ARHGAP32: variants seen among roughly 807,000 people sequenced by gnomAD.
The protein encoded by ARHGAP32 is rho GTPase-activating protein 32.
Under a neutral mutation model 186.5 loss-of-function variants are expected in ARHGAP32, and 51 were observed. The observed-to-expected ratio is 0.27, with a 90% CI of 0.22 to 0.35. The LOEUF (loss-of-function observed/expected upper bound fraction) is 0.35. ARHGAP32 is among the 10% of genes least tolerant of loss of function. The probability of loss-of-function intolerance (pLI) is 1.00; values close to 1 mark genes in which losing one functional copy is unlikely to be tolerated. For missense variants in ARHGAP32, 2,186 were observed against 2,623.5 expected, an observed-to-expected ratio of 0.83 and a Z score of 3.64; for synonymous variants, 950 against 964.3, an observed-to-expected ratio of 0.99 and a Z score of 0.27.
chr11:129,013,277 T>C (rs1331201630), intron 11 of ARHGAP32, among the ~76,000 whole-genome samples: 1 of 152,202 alleles, frequency 6.6e-6, no homozygotes, highest in African/African-American at 2.4e-5. Flanking sequence ...CTACTCTGAA[T>C]GGCCACTTTG....
intron 11 of ARHGAP32, among the ~76,000 whole-genome samples, chr11:129,023,340 G>T (rs1938684492): frequency 6.6e-6 from 1 of 152,154 alleles, no homozygotes. Context: ...AAGGGAAAAG[G>T]CCAGAAAGGT....
At chr11:129,219,167 T>C (rs918255247) in intron 1 of ARHGAP32, among the ~76,000 whole-genome samples, 1 of 152,190 alleles carries the variant, frequency 6.6e-6, no homozygotes, top group Non-Finnish European at 1.5e-5. Context: ...TTTTTAGAAT[T>C]CTTCTCCCAT....
chr11:129,130,196 A>G (rs1354481732), intron 2 of ARHGAP32, among the ~76,000 whole-genome samples: 3 of 152,202 alleles, frequency 2.0e-5, no homozygotes, highest in South Asian at 2.1e-4. Flanking sequence ...GTATACGATA[A>G]AAGTTTATTT....
At chr11:129,061,527 G>A (rs1940503421) in intron 10 of ARHGAP32, among the ~76,000 whole-genome samples, 2 of 152,080 alleles carry the variant, frequency 1.3e-5, no homozygotes, top group South Asian at 2.1e-4. Context: ...AAACAATTAA[G>A]TCAAATAAGG....
chr11:129,036,319 G>T (rs1202972762), intron 11 of ARHGAP32, among the ~76,000 whole-genome samples: 1 of 138,868 alleles, frequency 7.2e-6, no homozygotes, highest in Non-Finnish European at 1.5e-5. Context: ...GGCGGAGGTT[G>T]CAGTGAGCTG....
At chr11:129,037,244 C>T (rs1939381752) in intron 11 of ARHGAP32, among the ~76,000 whole-genome samples, 1 of 152,134 alleles carries the variant, frequency 6.6e-6, no homozygotes, top group South Asian at 2.1e-4. Context: ...TGCCTATAAT[C>T]CCAGCACTTT....
chr11:129,056,789 A>G (rs1196449192), intron 10 of ARHGAP32, among the ~76,000 whole-genome samples: 3 of 152,162 alleles, frequency 2.0e-5, no homozygotes, highest in African/African-American at 7.2e-5. Context: ...GGTGTCAACA[A>G]CGAGCTTCAG....
intron 10 of ARHGAP32, among the ~76,000 whole-genome samples, chr11:129,054,046 C>T (rs1231680138): frequency 1.3e-5 from 2 of 148,872 alleles, no homozygotes; most frequent in Non-Finnish European, 3.0e-5. Context: ...TTACCTGGAG[C>T]CACATTATAC....
At chr11:128,997,088 C>T (rs1434386531) in intron 12 of ARHGAP32, among the ~76,000 whole-genome samples, 1 of 152,126 alleles carries the variant, frequency 6.6e-6, no homozygotes, top group Non-Finnish European at 1.5e-5. Context: ...GAAAACTCTG[C>T]TTTTCTAGTT....
chr11:129,010,959 A>T (rs968330372), intron 11 of ARHGAP32, among the ~76,000 whole-genome samples: 2 of 152,238 alleles, frequency 1.3e-5, no homozygotes, highest in East Asian at 3.8e-4. Flanking sequence ...AATGTTTCAA[A>T]GGAATGGAAA....
intron 11 of ARHGAP32, chr11:129,024,317 G>T: frequency 4.6e-6 from 1 of 216,024 alleles, no homozygotes; most frequent in Non-Finnish European, 7.9e-6. Context: ...GTATGAAATT[G>T]ATATTAAATT....
At chr11:129,110,682 T>A (rs556605991) in intron 5 of ARHGAP32, among the ~76,000 whole-genome samples, 1 of 152,198 alleles carries the variant, frequency 6.6e-6, no homozygotes, top group African/African-American at 2.4e-5. Context: ...TCCTAGGTTT[T>A]TTGTTTAGTT....
At chr11:129,104,277 A>C (rs1941987123) in intron 5 of ARHGAP32, among the ~76,000 whole-genome samples, 1 of 152,116 alleles carries the variant, frequency 6.6e-6, no homozygotes, top group Admixed American at 6.5e-5. Context: ...TTATAAATCG[A>C]AACAAATTTA....
At chr11:129,221,398 G>A (rs539609822) in intron 1 of ARHGAP32, among the ~76,000 whole-genome samples, 1 of 151,650 alleles carries the variant, frequency 6.6e-6, no homozygotes, top group Non-Finnish European at 1.5e-5. Flanking sequence ...CTAAAGGAAG[G>A]GGTGGGCTGA....
At chr11:128,988,346 A>G (rs942943822) in intron 12 of ARHGAP32, among the ~76,000 whole-genome samples, 2 of 152,218 alleles carry the variant, frequency 1.3e-5, no homozygotes, top group African/African-American at 4.8e-5. Context: ...GACTGGTTCT[A>G]TGTCATGATA....
chr11:128,990,279 T>C lies in ARHGAP32; in HGVS notation c.1196-2154A>G, dbSNP rs974782669. On this transcript the variant is annotated intron_variant, in intron 12 of 22. Coordinates refer to ENST00000682385, the MANE Select transcript of ARHGAP32 (RefSeq NM_001378024.1). ...TGTGTTCTATGTGCTCATAGAAAAATATTTCAAAATTATCATTTATTTGTT... is the reference window on the plus strand; with the variant it reads ...TGTGTTCTATGTGCTCATAGAAAAACATTTCAAAATTATCATTTATTTGTT... Among the ~76,000 whole-genome samples the C allele has an allele frequency of 9.9e-5, 15 of 152,238 alleles. 1 individual carries two copies. Among genetic ancestry groups the C allele is most frequent in the Admixed American group, 7.9e-4 (12 of 15,282 alleles).
In ARHGAP32 at chr11:128,970,170, C is replaced by T; in HGVS notation, c.5043G>A (p.Leu1681=). ...CTGTGCCATAGGCATCCACATCACACAGGGCCCCATCTGGACTGTAATAGG... is the reference window on the plus strand; with the variant it reads ...CTGTGCCATAGGCATCCACATCACATAGGGCCCCATCTGGACTGTAATAGG... The part of the protein sequence containing the change: ...SSSYYSPDGA[L]CDVDAYGTVQ... The change falls in exon 23 of 23, where the codon CTG becomes CTA. Residue 1681 remains leucine, a synonymous_variant. Transcript: ENST00000682385. This position sits in a 1 kb window ranked among gnomAD's most constrained non-coding sequence, Gnocchi z 5.8. The T allele has an allele frequency of 6.2e-7, 1 of 1,614,180 alleles. No individual in the cohort carries two copies. The highest frequency in any genetic ancestry group is 8.5e-7 in the Non-Finnish European group (1 of 1,180,032).
At chr11:129,005,839 CT>C (rs1187306128) in intron 11 of ARHGAP32, among the ~76,000 whole-genome samples, 4 of 152,112 alleles carry the variant, frequency 2.6e-5, no homozygotes, top group Non-Finnish European at 4.4e-5. Context: ...CTTTCTACCC[CT>C]ATCTCTTTCT....
At chr11:129,229,854 C>T (rs112585784) in intron 1 of ARHGAP32, among the ~76,000 whole-genome samples, 2 of 152,010 alleles carry the variant, frequency 1.3e-5, no homozygotes, top group Non-Finnish European at 2.9e-5. Context: ...CAGGGTCTCA[C>T]TCACCCAAGC....
Sources: allele counts gnomAD v4.1 joint callset (sites outside exome capture counted in the v4.1 genomes callset), GRCh38; gene constraint gnomAD v4.1.1; non-coding constraint Gnocchi (gnomAD v3.1); transcripts MANE v1.5; gene names NCBI Gene and HGNC (gene_info 2026-07-23, HGNC 2026-07-21).